The following TGM1 variants were observed in gnomAD, a reference collection of about 807,000 sequenced individuals.
TGM1 encodes the protein protein-glutamine gamma-glutamyltransferase K.
A neutral mutation model predicts 88.7 loss-of-function variants in TGM1; 63 were observed. The ratio of observed to expected loss-of-function variants is 0.71; its 90% CI spans 0.58 to 0.88. The LOEUF (loss-of-function observed/expected upper bound fraction) is 0.88, where lower values mean the gene tolerates loss of function less well. Ranked by LOEUF, TGM1 falls within the 40% of genes least tolerant of loss-of-function variation. TGM1 has a pLI of 0.00. For synonymous variants in TGM1, 415 were observed against 431.1 expected, an observed-to-expected ratio of 0.96 and a Z score of 0.46; for missense variants, 996 against 1,118.0, an observed-to-expected ratio of 0.89 and a Z score of 1.56.
At chr14:24,258,209 A>G (rs1375749099) in intron 9 of TGM1, 76 bp downstream of exon 9, 6 of 1,313,150 alleles carry the variant, frequency 4.6e-6, no homozygotes, top group Non-Finnish European at 6.5e-6. Context: ...CCGGCCCAGC[A>G]CTGACACTCT....
At position 24,255,593 on chromosome 14, in the gene TGM1, C is replaced by G. The variant is rs964542529; in HGVS notation, c.1492-76G>C. The G allele has an allele frequency of 1.9e-6, 3 of 1,589,490 alleles. No individual in the cohort carries two copies. The Admixed American group carries it at 5.0e-5, about 27-fold the overall frequency. On this transcript the variant is annotated intron_variant, in intron 10 of 14. Coordinates refer to ENST00000206765, the MANE Select transcript of TGM1 (RefSeq NM_000359.3). This position sits in a 1 kb window ranked among gnomAD's most constrained non-coding sequence, Gnocchi z 4.0. Reference sequence around the variant, plus strand: ...TGGCCTGACTCCCGGCCTCCTTCCCCTGATCCCAGGAGCTATGGGACAGGG... The same window carrying G: ...TGGCCTGACTCCCGGCCTCCTTCCCGTGATCCCAGGAGCTATGGGACAGGG...
At chr14:24,249,765 T>C (rs185231920) in intron 14 of TGM1, among the ~76,000 whole-genome samples, 1 of 152,124 alleles carries the variant, frequency 6.6e-6, no homozygotes, top group East Asian at 1.9e-4. Flanking sequence ...CTCCCCATCG[T>C]CTGGGACTCC....
Position 24,262,348 on chromosome 14 carries a change from A to G in TGM1, c.5T>C (p.Met2Thr). The change falls in exon 2 of 15, where the codon ATG becomes ACG. Residue 2 changes from methionine (M) to threonine (T), a missense_variant. Physicochemically the swap from Met to Thr is moderately conservative, Grantham distance 81 (BLOSUM62 -1). Coordinates refer to ENST00000206765, the MANE Select transcript of TGM1 (RefSeq NM_000359.3). The part of the protein sequence containing the change: M[M>T]DGPRSDVGRW... The stretch of plus-strand genomic sequence containing the variant: ...GCCCACATCGGAACGTGGCCCATCC[A>G]TCATGCCTGTTAGGAAGAGGCAGGG... The G allele has an allele frequency of 6.2e-7, 1 of 1,613,594 alleles. No homozygotes were observed. The highest frequency in any genetic ancestry group is 8.5e-7 in the Non-Finnish European group (1 of 1,180,014).
chr14:24,250,177 T>TGAGA (rs1238073181), intron 14 of TGM1, among the ~76,000 whole-genome samples: 376 of 21,502 alleles, frequency 0.017, 4 homozygotes, highest in African/African-American at 0.064. Context: ...TGTGTGTGTG[T>TGAGA]GTGAGAGAGA....
chr14:24,259,100 C>A lies in TGM1; in HGVS notation c.1134G>T (p.Trp378Cys). ...CTGTGGTGGTCACGCCAGCAAAGAC[C>A]CAGCACTGGCCATAGGGGACGGAAT... The part of the protein sequence containing the change: ...TGYSVPYGQC[W>C]VFAGVTTTVL... Residue 378 changes from tryptophan (W) to cysteine (C), a missense_variant, in exon 7 of 15, where the codon TGG (tryptophan) becomes TGT (cysteine). Physicochemically the swap from Trp to Cys is radical, Grantham distance 215 (BLOSUM62 -2). Coordinates refer to ENST00000206765, the MANE Select transcript of TGM1 (RefSeq NM_000359.3). This position sits in a 1 kb window ranked among gnomAD's most constrained non-coding sequence, Gnocchi z 5.7. 2 of 1,614,108 alleles carry A rather than the reference C, an allele frequency of 1.2e-6. No individual in the cohort carries two copies. The highest frequency in any genetic ancestry group is 1.7e-6 in the Non-Finnish European group (2 of 1,180,018).
chr14:24,258,294 T>C lies in TGM1; in HGVS notation c.1393A>G (p.Thr465Ala), dbSNP rs2040774248. ...GGGGGGCCCAGCTTACCACTGCTAGTCTCTTGGGGTGTGGCATCCACCACC... is the reference window on the plus strand; with the variant it reads ...GGGGGGCCCAGCTTACCACTGCTAGCCTCTTGGGGTGTGGCATCCACCACC... ...WQVVDATPQE[T>A]SSGIFCCGPC... Residue 465 changes from threonine to alanine, a missense_variant, in exon 9 of 15, where the codon ACT becomes GCT. Coordinates refer to ENST00000206765, the MANE Select transcript of TGM1 (RefSeq NM_000359.3). 1 of 1,613,440 alleles carries C rather than the reference T, an allele frequency of 6.2e-7. No individual in the cohort carries two copies. The highest frequency in any genetic ancestry group is 1.7e-5 in the Admixed American group (1 of 60,000).
rs761591850 is a variant in TGM1, at chr14:24,260,622, G to A, written c.585C>T (p.Ala195=). 1 of 1,614,176 alleles carries A rather than the reference G, an allele frequency of 6.2e-7. No homozygotes were observed. Among genetic ancestry groups the A allele is most frequent in the Admixed American group, 1.7e-5 (1 of 60,024 alleles). ...VGKGGSGGWK[A]QVVKASGQNL... ...TCTGCCCACTGGCCTTGACCACCTG[G>A]GCTTTCCAGCCTCCACTGCCCCCCT... is the stretch of plus-strand genomic sequence containing the variant. Residue 195 remains alanine, a synonymous_variant, in exon 4 of 15, where the codon GCC becomes GCT. Coordinates refer to ENST00000206765, the MANE Select transcript of TGM1 (RefSeq NM_000359.3).
In TGM1 at chr14:24,261,698, T is replaced by A. The variant is rs1210676541; in HGVS notation, c.505A>T (p.Ile169Phe). The change falls in exon 3 of 15, where the codon ATC (isoleucine) becomes TTC (phenylalanine). Residue 169 changes from isoleucine (I) to phenylalanine (F), a missense_variant. Ile to Phe is a conservative substitution (Grantham distance 21, BLOSUM62 0). Transcript: ENST00000206765. ...TCCCAATCCAAGCCCCACTGACCGA[T>A]GAGTAACTCAAGGGTGATGCGATCA... Reference protein sequence around the residue: ...SSDRITLELLIGNNPEVGKGT... With the variant: ...SSDRITLELLFGNNPEVGKGT... 4 of 1,613,902 alleles carry A rather than the reference T, an allele frequency of 2.5e-6. No homozygotes were observed. The highest frequency in any genetic ancestry group is 3.4e-6 in the Non-Finnish European group (4 of 1,179,996).
chr14:24,250,636 G>A (rs942752853), intron 14 of TGM1, among the ~76,000 whole-genome samples: 2 of 152,272 alleles, frequency 1.3e-5, no homozygotes, highest in South Asian at 2.1e-4. Context: ...CCTTGTGAAG[G>A]CCTACTTTTC....
chr14:24,261,919 TGAG>T, intron 2 of TGM1, 36 bp from the exon 3 acceptor site: 1 of 1,611,418 alleles, frequency 6.2e-7, no homozygotes, highest in Non-Finnish European at 8.5e-7. Flanking sequence ...TGAAGCCCCA[TGAG>T]GAGCCCAGGC....
chr14:24,256,129 T>C (rs891165205), intron 9 of TGM1, 52 bp from the exon 10 acceptor site: 28 of 1,455,922 alleles, frequency 1.9e-5, no homozygotes, highest in Non-Finnish European at 2.5e-5. Context: ...CGGAGAGGGC[T>C]CTTCAGACCC....
chr14:24,254,804 C>A lies in TGM1; in HGVS notation c.1948G>T (p.Val650Leu). 6.2e-7 allele frequency: 1 copy of A among 1,613,912 alleles called. No individual in the cohort carries two copies. Among genetic ancestry groups the A allele is most frequent in the East Asian group, 2.2e-5 (1 of 44,892 alleles). ...TGGGGCCGGTATTCCTTGTAGGCCA[C>A]TGGCATGGTCACACGGTCCGCTGTG... ...PGASDRVTMP[V>L]AYKEYRPHLV... is the part of the protein sequence containing the mutation. Residue 650 changes from valine to leucine, a missense_variant, in exon 13 of 15, where the codon GTG becomes TTG. Physicochemically the swap from Val to Leu is conservative, Grantham distance 32. Transcript: ENST00000206765.
Position 24,259,937 on chromosome 14 carries a change from T to A in TGM1, c.876+3A>T. ...TATGTGACCCTGGCCAGCCGCACCA[T>A]ACCTGGCCGTAGTTCCAGGTCCGCT... On this transcript the variant is annotated splice_donor_region_variant and intron_variant, in intron 5 of 14. Coordinates refer to ENST00000206765, the MANE Select transcript of TGM1 (RefSeq NM_000359.3). The surrounding 1 kb of genome is among the most constrained non-coding windows in gnomAD (Gnocchi z 5.7). 1 of 1,613,178 alleles carries A rather than the reference T, an allele frequency of 6.2e-7. No individual in the cohort carries two copies. Among genetic ancestry groups the A allele is most frequent in the Non-Finnish European group, 8.5e-7 (1 of 1,179,132 alleles).
chr14:24,257,398 T>C lies in TGM1; in HGVS notation c.1402+887A>G, dbSNP rs143556437. On this transcript the variant is annotated intron_variant, in intron 9 of 14. Coordinates refer to ENST00000206765, the MANE Select transcript of TGM1 (RefSeq NM_000359.3). ...TAGTTCTAATTTCTGCAGAAACACATGTATGTGGACACAGAAAAGAGACCC... is the reference window on the plus strand; with the variant it reads ...TAGTTCTAATTTCTGCAGAAACACACGTATGTGGACACAGAAAAGAGACCC... 2.8e-3 allele frequency among the ~76,000 whole-genome samples: 424 copies of C among 152,336 alleles called. 1 individual carries two copies. Among genetic ancestry groups the C allele is most frequent in the African/African-American group, 9.9e-3 (411 of 41,556 alleles).
chr14:24,253,500 C>T (rs1024110487), intron 14 of TGM1, among the ~76,000 whole-genome samples: 5 of 152,002 alleles, frequency 3.3e-5, no homozygotes, highest in South Asian at 4.1e-4. Context: ...GAGAGACACA[C>T]GGGGTCTCAC....
chr14:24,259,604 G>A lies in TGM1; in HGVS notation c.984+100C>T, dbSNP rs1490651872. 2.0e-6 allele frequency: 2 copies of A among 1,004,568 alleles called. No homozygotes were observed. The highest frequency in any genetic ancestry group is 3.2e-5 in the African/African-American group (2 of 62,656). 62.2% of individuals were successfully genotyped at this position (1,004,568 alleles called of 1,614,324 possible). A position where few individuals can be genotyped will look rare whatever the true frequency, so the allele number is the denominator to read the frequency against. On this transcript the variant is annotated intron_variant, in intron 6 of 14. Coordinates refer to ENST00000206765, the MANE Select transcript of TGM1 (RefSeq NM_000359.3). This position sits in a 1 kb window ranked among gnomAD's most constrained non-coding sequence, Gnocchi z 5.7. Reference sequence around the variant, plus strand: ...CCTTTACGAGGGCAGGGACAGGGCTGGGGGTTCTTGAGGAATCCAGAAAGG... The same window carrying A: ...CCTTTACGAGGGCAGGGACAGGGCTAGGGGTTCTTGAGGAATCCAGAAAGG...
At position 24,255,172 on chromosome 14, in the gene TGM1, G is replaced by A. The variant is rs140363039; in HGVS notation, c.1727C>T (p.Ala576Val). The A allele has an allele frequency of 8.7e-5, 141 of 1,613,984 alleles. No individual in the cohort carries two copies. Among genetic ancestry groups the A allele is most frequent in the South Asian group, 1.9e-4 (17 of 91,078 alleles). Residue 576 changes from alanine (A) to valine (V), a missense_variant, in exon 12 of 15, where the codon GCG becomes GTG. Coordinates refer to ENST00000206765, the MANE Select transcript of TGM1 (RefSeq NM_000359.3). This position sits in a 1 kb window ranked among gnomAD's most constrained non-coding sequence, Gnocchi z 4.0. The stretch of plus-strand genomic sequence containing the variant: ...CTCCACCTGCATGGCCACATCCTCC[G>A]CTGAGCCCCGGTTGGCATACACATT... ...KPNVYANRGS[A>V]EDVAMQVEAQ...
In TGM1 at chr14:24,254,596, C is replaced by T. The variant is rs963617388; in HGVS notation, c.2088+68G>A. ...AGCCTGCTGCTGGCTTAGCGCCCACCTCTGATGTCCTTATCCCCTGGCCTT... is the reference window on the plus strand; with the variant it reads ...AGCCTGCTGCTGGCTTAGCGCCCACTTCTGATGTCCTTATCCCCTGGCCTT... On this transcript the variant is annotated intron_variant, in intron 13 of 14. Transcript: ENST00000206765. 1.6e-5 allele frequency: 26 copies of T among 1,610,500 alleles called. No individual in the cohort carries two copies. The African/African-American group carries it at 2.7e-4, about 17-fold the overall frequency.
At position 24,249,347 on chromosome 14, in the gene TGM1, TCTC is replaced by T. The variant is rs1439726634; in HGVS notation, c.2417_2419del (p.Gly806del). 2 of 1,613,758 alleles carry T rather than the reference TCTC, an allele frequency of 1.2e-6. No individual in the cohort carries two copies. Among genetic ancestry groups the T allele is most frequent in the Non-Finnish European group, 1.7e-6 (2 of 1,179,972 alleles). On this transcript the variant is annotated inframe_deletion, in exon 15 of 15. Transcript: ENST00000206765. ...ACCTCGAGATGCCATAGGGATGGTC[TCTC>T]CTAAGTGACTGTCACCTCCAGCGTC...
Sources: allele counts gnomAD v4.1 joint callset (sites outside exome capture counted in the v4.1 genomes callset), GRCh38; gene constraint gnomAD v4.1.1; non-coding constraint Gnocchi (gnomAD v3.1); transcripts MANE v1.5; gene names NCBI Gene and HGNC (gene_info 2026-07-23, HGNC 2026-07-21).